Variants in ATP2C1 observed in about 807,000 individuals in gnomAD.
ATP2C1 encodes calcium-transporting ATPase type 2C member 1.
Under a neutral mutation model 120.5 loss-of-function variants are expected in ATP2C1, and 31 were observed. The observed-to-expected ratio is 0.26, with a 90% CI of 0.19 to 0.35. The LOEUF (loss-of-function observed/expected upper bound fraction) is 0.35, where lower values mean the gene tolerates loss of function less well. Ranked by LOEUF, ATP2C1 falls within the 10% of genes least tolerant of loss-of-function variation. The probability of loss-of-function intolerance (pLI) is 1.00; values close to 1 mark genes in which losing one functional copy is unlikely to be tolerated. For synonymous variants in ATP2C1, 351 were observed against 358.7 expected (o/e 0.98, Z 0.24); for missense variants, 731 against 1,107.5 (o/e 0.66, Z 4.83).
intron 12 of ATP2C1, among the ~76,000 whole-genome samples, chr3:130,961,643 C>T (rs1213028391): frequency 2.6e-5 from 4 of 151,868 alleles, no homozygotes. Flanking sequence ...ATTGTGTTGC[C>T]TAAAGTATTG....
chr3:130,894,347 A>C lies in ATP2C1; in HGVS notation c.-181+10A>C. On this transcript the variant is annotated intron_variant, in intron 1 of 27. Transcript: ENST00000510168. The surrounding 1 kb of genome is among the most constrained non-coding windows in gnomAD (Gnocchi z 4.5). ...CTGTCCGGGGCTTTGGGTGGGTACC[A>C]GTATTACCTCCTGCCCCCATTTCTA... The C allele has an allele frequency of 9.8e-7, 1 of 1,019,550 alleles. No homozygotes were observed. The highest frequency in any genetic ancestry group is 1.2e-6 in the Non-Finnish European group (1 of 849,124). The allele number at this position is 1,019,550 out of a possible 1,614,324, so 63.2% of individuals were successfully genotyped here. A position where few individuals can be genotyped will look rare whatever the true frequency, so the allele number is the denominator to read the frequency against.
chr3:130,996,752 G>C lies in ATP2C1; in HGVS notation c.2199G>C (p.Gln733His). 1 of 1,613,106 alleles carries C rather than the reference G, an allele frequency of 6.2e-7. No homozygotes were observed. ...TTCCTAATCCTCTCAATGCCATGCA[G>C]ATTTTGTGGATCAATATTATTATGG... ...MNFPNPLNAM[Q>H]ILWINIIMDG... The change falls in exon 24 of 28, where the codon CAG (glutamine) becomes CAC (histidine). Residue 733 changes from glutamine (Q) to histidine (H), a missense_variant. Transcript: ENST00000510168.
intron 20 of ATP2C1, among the ~76,000 whole-genome samples, chr3:130,989,448 C>G (rs995057777): frequency 4.0e-5 from 6 of 150,324 alleles, no homozygotes; most frequent in African/African-American, 1.5e-4. Context: ...GCCTGTAATC[C>G]CAGCTACTTG....
rs35503162 is a variant in ATP2C1 at position 131,010,187 on chromosome 3, CTTTTT to C, written c.2630-5948_2630-5944del. ...ATATCTGCTCTTCATCTTTTTCTAT[CTTTTT>C]TTTTTTTTTTTTTTTTGAGATAGAG... On this transcript the variant is annotated intron_variant, in intron 26 of 26. Coordinates refer to the ATP2C1 transcript ENST00000328560. Among the ~76,000 whole-genome samples the C allele has an allele frequency of 1.0e-4, 9 of 87,986 alleles. No individual in the cohort carries two copies. In the South Asian group the frequency reaches 2.8e-3, roughly 28 times the overall value. 57.7% of individuals were successfully genotyped at this position (87,986 alleles called of 152,430 possible). A position where few individuals can be genotyped will look rare whatever the true frequency, so the allele number is the denominator to read the frequency against.
Position 130,873,696 on chromosome 3 carries a change from A to G in ATP2C1, c.108+22768A>G, listed in dbSNP as rs147672731. Among the ~76,000 whole-genome samples, 782 of 152,334 alleles carry G rather than the reference A, an allele frequency of 5.1e-3. 4 individuals are homozygous for G. Among genetic ancestry groups the G allele is most frequent in the African/African-American group, 0.017 (727 of 41,584 alleles). On this transcript the variant is annotated intron_variant, in intron 1 of 26. Transcript: ENST00000504381. ...GTTGATGTGCAAACCACAAAATAAT[A>G]AATATTTTTGCCTAGCTTTTGGGAA...
chr3:130,888,120 G>A (rs1020227588), intron 1 of ATP2C1, among the ~76,000 whole-genome samples: 10 of 152,166 alleles, frequency 6.6e-5, no homozygotes, highest in East Asian at 3.9e-4. Flanking sequence ...GTGTCTAGAC[G>A]TGTCATCTAT....
At chr3:130,938,073 C>A (rs2108418578) in intron 6 of ATP2C1, among the ~76,000 whole-genome samples, 1 of 152,312 alleles carries the variant, frequency 6.6e-6, no homozygotes, top group Non-Finnish European at 1.5e-5. Flanking sequence ...AACAATTTCT[C>A]ATTCCTCCAC....
At chr3:130,948,819 A>G (rs1468165698) in intron 8 of ATP2C1, among the ~76,000 whole-genome samples, 1 of 152,102 alleles carries the variant, frequency 6.6e-6, no homozygotes, top group Non-Finnish European at 1.5e-5. Flanking sequence ...GGTAATTCTC[A>G]CAGTATTTCG....
intron 6 of ATP2C1, among the ~76,000 whole-genome samples, chr3:130,940,055 G>A (rs2059828243): frequency 6.6e-6 from 1 of 152,206 alleles, no homozygotes; most frequent in South Asian, 2.1e-4. Flanking sequence ...GATGGAAGAA[G>A]GCTAGAAATC....
chr3:131,003,606 G>T (rs960207342), downstream of ATP2C1, among the ~76,000 whole-genome samples: 4 of 152,238 alleles, frequency 2.6e-5, no homozygotes, highest in East Asian at 7.7e-4. Flanking sequence ...ATTTGTGCTG[G>T]ACATTGCATG....
chr3:130,917,188 G>A (rs2058726325), intron 2 of ATP2C1, among the ~76,000 whole-genome samples: 1 of 152,186 alleles, frequency 6.6e-6, no homozygotes, highest in Non-Finnish European at 1.5e-5. Context: ...GTGTTGCTGA[G>A]TGTGTTTAAA....
intron 20 of ATP2C1, among the ~76,000 whole-genome samples, chr3:130,989,200 T>G (rs1328542986): frequency 6.1e-5 from 9 of 148,606 alleles, no homozygotes; most frequent in African/African-American, 2.2e-4. Context: ...TGAGCCGAGA[T>G]TGCGCCACTG....
chr3:130,915,162 T>C (rs995757705), intron 2 of ATP2C1, among the ~76,000 whole-genome samples: 9 of 152,070 alleles, frequency 5.9e-5, no homozygotes, highest in Admixed American at 3.3e-4. Flanking sequence ...GGCGTGATCT[T>C]GGCTCACTGC....
At chr3:130,969,464 C>A in intron 17 of ATP2C1, 68 bp downstream of exon 17, 1 of 1,239,958 alleles carries the variant, frequency 8.1e-7, no homozygotes, top group South Asian at 1.2e-5. Flanking sequence ...ATTTACTGTC[C>A]ACCTTTGGGT....
intron 1 of ATP2C1, among the ~76,000 whole-genome samples, chr3:130,854,531 G>A (rs1421238290): frequency 6.6e-6 from 1 of 152,202 alleles, no homozygotes; most frequent in South Asian, 2.1e-4. Context: ...CTAAGTACTA[G>A]AGACTCAGCA....
At position 130,967,297 on chromosome 3, in the gene ATP2C1, G is replaced by A. The variant is rs202038240; in HGVS notation, c.1219-33G>A. 6 of 1,611,710 alleles carry A rather than the reference G, an allele frequency of 3.7e-6. No homozygotes were observed. In the East Asian group the frequency reaches 1.3e-4, roughly 36 times the overall value. On this transcript the variant is annotated intron_variant, in intron 15 of 27. Transcript: ENST00000510168. Reference sequence around the variant, plus strand: ...TCTTCATAATAACTTAAGACACAGTGATAGGTTCATAGTTTATGTGTATTT... The same window carrying A: ...TCTTCATAATAACTTAAGACACAGTAATAGGTTCATAGTTTATGTGTATTT...
intron 18 of ATP2C1, among the ~76,000 whole-genome samples, chr3:130,978,864 C>A (rs1051481363): frequency 5.9e-5 from 9 of 152,136 alleles, no homozygotes; most frequent in Admixed American, 5.9e-4. Flanking sequence ...AGGTGTTTGC[C>A]TGTTTAAAAT....
rs1325503543 is a variant in ATP2C1 at position 130,955,976 on chromosome 3, T to G, written c.757-128T>G. 4.3e-6 allele frequency: 3 copies of G among 696,152 alleles called. No individual in the cohort carries two copies. In the African/African-American group the frequency reaches 5.3e-5, roughly 12 times the overall value. The allele number at this position is 696,152 out of a possible 1,614,324, so 43.1% of individuals were successfully genotyped here. A position where few individuals can be genotyped will look rare whatever the true frequency, so the allele number is the denominator to read the frequency against. ...CAGTTTTCTCAGTGAAGGTGATTATTTACCTTATGGGAGAGTTGTATGGTT... is the reference window on the plus strand; with the variant it reads ...CAGTTTTCTCAGTGAAGGTGATTATGTACCTTATGGGAGAGTTGTATGGTT... On this transcript the variant is annotated intron_variant, in intron 10 of 27. Coordinates refer to ENST00000510168, the MANE Select transcript of ATP2C1 (RefSeq NM_001378687.1).
At chr3:130,930,164 T>C in intron 2 of ATP2C1, 1 of 470,084 alleles carries the variant, frequency 2.1e-6, no homozygotes, top group Non-Finnish European at 3.9e-6. Flanking sequence ...AATAGCGTGC[T>C]TTTCATTCAA....
Sources: gnomAD v4.1 joint callset for allele counts (sites outside exome capture counted in the v4.1 genomes callset) on GRCh38, gnomAD v4.1.1 for gene constraint, Gnocchi (gnomAD v3.1) non-coding constraint, MANE v1.5 for transcripts, NCBI Gene and HGNC (gene_info 2026-07-23, HGNC 2026-07-21) for gene names.